The following TRIM14 variants were observed in gnomAD, a reference collection of about 807,000 sequenced individuals.
TRIM14 encodes tripartite motif-containing protein 14.
Under a neutral mutation model 44.5 loss-of-function variants are expected in TRIM14, and 28 were observed. That is an observed-to-expected ratio of 0.63 (90% CI 0.47 to 0.86). The LOEUF (loss-of-function observed/expected upper bound fraction) is 0.86, where lower values mean the gene tolerates loss of function less well. TRIM14 is among the 40% of genes least tolerant of loss of function. The pLI, the probability that TRIM14 is intolerant of heterozygous loss-of-function variation, is 0.00. For synonymous variants in TRIM14, 299 were observed against 269.2 expected (o/e 1.11, Z -1.08); for missense variants, 607 against 611.1 (o/e 0.99, Z 0.07).
At chr9:98,094,577 A>C (rs1826113717) in intron 4 of TRIM14, among the ~76,000 whole-genome samples, 1 of 152,250 alleles carries the variant, frequency 6.6e-6, no homozygotes, top group Admixed American at 6.5e-5. Flanking sequence ...AGAGTTGGTC[A>C]TTCCAGCTGG....
In TRIM14 at chr9:98,091,901, G is replaced by A; in HGVS notation, c.793+8C>T. The A allele has an allele frequency of 6.3e-7, 1 of 1,582,600 alleles. No homozygotes were observed. Among genetic ancestry groups the A allele is most frequent in the Non-Finnish European group, 8.6e-7 (1 of 1,160,790 alleles). On this transcript the variant is annotated splice_region_variant and intron_variant, in intron 5 of 5. Coordinates refer to ENST00000341469, the MANE Select transcript of TRIM14 (RefSeq NM_014788.4). ...TCTCCACCCTATCCCCACTCCCGGG[G>A]GTCTTACATTTCAGCAATAGCGATC...
the TRIM14 span, among the ~76,000 whole-genome samples, chr9:98,044,211 A>G: frequency 2.6e-4 from 40 of 151,562 alleles, 1 homozygote; most frequent in African/African-American, 7.8e-4. Context: ...ATCAGCTTCC[A>G]TATGCCCTTC....
downstream of TRIM14, among the ~76,000 whole-genome samples, chr9:98,083,373 G>C (rs1267153125): frequency 1.3e-5 from 2 of 152,216 alleles, no homozygotes; most frequent in African/African-American, 4.8e-5. Context: ...CTGCAGAGAG[G>C]GGTGAGAGCT....
At chr9:98,036,744 C>T in the TRIM14 span, among the ~76,000 whole-genome samples, 5 of 151,942 alleles carry the variant, frequency 3.3e-5, no homozygotes, top group Non-Finnish European at 5.9e-5. Context: ...GCAGAGCTTA[C>T]GGTGAGCCCA....
intron 6 of TRIM14, among the ~76,000 whole-genome samples, chr9:98,071,110 C>A (rs1655997399): frequency 6.6e-6 from 1 of 152,254 alleles, no homozygotes; most frequent in South Asian, 2.1e-4. Flanking sequence ...CTGCACTTGG[C>A]CTCCTTAGTA....
the TRIM14 span, among the ~76,000 whole-genome samples, chr9:98,038,534 A>T: frequency 6.6e-6 from 1 of 152,196 alleles, no homozygotes; most frequent in African/African-American, 2.4e-5. Context: ...TTTACTGAAA[A>T]TTTTTATTTA....
At chr9:98,111,811 G>A (rs147047561) in intron 1 of TRIM14, among the ~76,000 whole-genome samples, 65 of 151,848 alleles carry the variant, frequency 4.3e-4, no homozygotes, top group South Asian at 8.3e-4. Context: ...GGTGGCGCAT[G>A]CCTGTAATCC....
the TRIM14 span, among the ~76,000 whole-genome samples, chr9:98,053,539 T>G: frequency 3.3e-5 from 5 of 152,262 alleles, no homozygotes; most frequent in Admixed American, 1.3e-4. Context: ...AACAAATTCA[T>G]AGCACTAAGT....
At chr9:98,042,294 A>G in the TRIM14 span, among the ~76,000 whole-genome samples, 4 of 140,670 alleles carry the variant, frequency 2.8e-5, no homozygotes, top group African/African-American at 7.7e-5. Flanking sequence ...CTCTGTCTGG[A>G]AAAAAAAAAA....
intron 1 of TRIM14, 184 bp from the exon 2 acceptor site, chr9:98,110,168 C>T (rs1309645088): frequency 6.8e-6 from 4 of 584,672 alleles, no homozygotes; most frequent in Non-Finnish European, 1.2e-5. Flanking sequence ...CATCTCTGAT[C>T]CTCGGAGGTC....
chr9:98,101,367 T>C (rs1004726224), intron 2 of TRIM14, among the ~76,000 whole-genome samples: 5 of 152,066 alleles, frequency 3.3e-5, no homozygotes, highest in African/African-American at 9.7e-5. Flanking sequence ...TTATATAAAC[T>C]GTGGGTGGTA....
chr9:98,118,463 G>GGA (rs1827130865), intron 1 of TRIM14, among the ~76,000 whole-genome samples: 1 of 152,190 alleles, frequency 6.6e-6, no homozygotes, highest in Non-Finnish European at 1.5e-5. Flanking sequence ...GCCGGGGAGG[G>GGA]GAGAGGAGGT....
intron 2 of TRIM14, among the ~76,000 whole-genome samples, chr9:98,108,061 A>G (rs1349266568): frequency 6.6e-6 from 1 of 151,858 alleles, no homozygotes; most frequent in Non-Finnish European, 1.5e-5. Context: ...GTTGACATAA[A>G]ACTATACACA....
chr9:98,041,855 T>G, the TRIM14 span, among the ~76,000 whole-genome samples: 1 of 151,626 alleles, frequency 6.6e-6, no homozygotes, highest in East Asian at 2.0e-4. Flanking sequence ...GCTAATTTTT[T>G]GTATTTTTAG....
chr9:98,097,869 A>G (rs961530457), intron 3 of TRIM14, among the ~76,000 whole-genome samples: 4 of 152,218 alleles, frequency 2.6e-5, no homozygotes, highest in Admixed American at 6.5e-5. Flanking sequence ...AAAAGAGACA[A>G]TTACATGTAA....
At chr9:98,072,334 G>T (rs777651331) in intron 6 of TRIM14, among the ~76,000 whole-genome samples, 1 of 152,114 alleles carries the variant, frequency 6.6e-6, no homozygotes, top group Non-Finnish European at 1.5e-5. Context: ...GGGCAGGTAG[G>T]TTCCTCTGGA....
rs998966603 is a variant in TRIM14 at position 98,086,294 on chromosome 9, G to A, written c.*1176C>T. 5.3e-5 allele frequency: 8 copies of A among 152,262 alleles called. No individual in the cohort carries two copies. The highest frequency in any genetic ancestry group is 1.7e-4 in the African/African-American group (7 of 41,436). The allele number at this position is 152,262 out of a possible 1,614,324, so 9.4% of individuals were successfully genotyped here. On this transcript the variant is annotated 3_prime_UTR_variant, in exon 6 of 6. Coordinates refer to ENST00000341469, the MANE Select transcript of TRIM14 (RefSeq NM_014788.4). ...GATGCTTGCCTGGGGGTGGGTGAAC[G>A]GGGCACACGTCTGGCCCCCCTATAT...
At chr9:98,047,850 A>C in the TRIM14 span, among the ~76,000 whole-genome samples, 1 of 151,986 alleles carries the variant, frequency 6.6e-6, no homozygotes, top group Admixed American at 6.6e-5. Context: ...GTGGATCACA[A>C]GGTCAGGAGT....
At chr9:98,078,202 T>TG in intron 6 of TRIM14, 1 of 1,614,166 alleles carries the variant, frequency 6.2e-7, no homozygotes, top group Non-Finnish European at 8.5e-7. Context: ...GGTCGCCCAA[T>TG]GGTGATCTCC....
Sources: allele counts gnomAD v4.1 joint callset (sites outside exome capture counted in the v4.1 genomes callset), GRCh38; gene constraint gnomAD v4.1.1; transcripts MANE v1.5; gene names NCBI Gene and HGNC (gene_info 2026-07-23, HGNC 2026-07-21).